The following NRXN2 variants were observed in gnomAD, a reference collection of about 807,000 sequenced individuals.
The protein encoded by NRXN2 is neurexin-2-beta.
NRXN2 carries 29 observed loss-of-function variants against 128.8 expected under a neutral mutation model. The observed-to-expected ratio is 0.23, with a 90% CI of 0.17 to 0.31. The LOEUF is 0.31. NRXN2 is among the 10% of genes least tolerant of loss of function. The probability of loss-of-function intolerance (pLI) is 1.00; values close to 1 mark genes in which losing one functional copy is unlikely to be tolerated. For missense variants in NRXN2, 1,881 were observed against 2,452.6 expected (o/e 0.77, Z 4.92); for synonymous variants, 1,098 against 1,075.2 (o/e 1.02, Z -0.41).
In NRXN2 at chr11:64,612,060, C is replaced by T. The variant is rs182129160; in HGVS notation, c.4253-3978G>A. Among the ~76,000 whole-genome samples the T allele has an allele frequency of 7.7e-4, 118 of 152,298 alleles. 1 individual carries two copies. The highest frequency in any genetic ancestry group is 1.5e-3 in the Non-Finnish European group (103 of 68,016). ...ACCCATGAGAACGCATGAGGACTTC[C>T]TTCCCTGGGCTCACTCAACCCGGCC... On this transcript the variant is annotated intron_variant, in intron 22 of 22. Transcript: ENST00000265459.
chr11:64,720,832 G>T (rs568348475), intron 1 of NRXN2, among the ~76,000 whole-genome samples: 5 of 152,236 alleles, frequency 3.3e-5, no homozygotes, highest in Non-Finnish European at 7.4e-5. Flanking sequence ...GACCTGGGAG[G>T]GATGGGGTGT....
Position 64,623,252 on chromosome 11 carries a change from C to T in NRXN2, c.3848-174G>A. ...GGGGCAGAAAGCCAAAGGGAAAGTC[C>T]TTGTCAGCCACAGCCCCTAGCCCAG... is the stretch of plus-strand genomic sequence containing the variant. On this transcript the variant is annotated intron_variant, in intron 20 of 22. Transcript: ENST00000265459. This position sits in a 1 kb window ranked among gnomAD's most constrained non-coding sequence, Gnocchi z 4.9. 9.4e-6 allele frequency: 11 copies of T among 1,172,538 alleles called. No individual in the cohort carries two copies. Among genetic ancestry groups the T allele is most frequent in the Non-Finnish European group, 1.3e-5 (11 of 858,468 alleles). The allele number at this position is 1,172,538 out of a possible 1,614,324, so 72.6% of individuals were successfully genotyped here.
chr11:64,623,065 G>C lies in NRXN2; in HGVS notation c.3861C>G (p.Thr1287=). ...EWLLDKGRQL[T]IFNSQAAIKI... ...TGATGGCAGCCTGGCTGTTGAAGATGGTCAGCTGGCGGCCTTGCAGGAGTG... is the reference window on the plus strand; with the variant it reads ...TGATGGCAGCCTGGCTGTTGAAGATCGTCAGCTGGCGGCCTTGCAGGAGTG... Residue 1287 remains threonine (T), a synonymous_variant, in exon 21 of 23, where the codon ACC becomes ACG. Coordinates refer to ENST00000265459, the MANE Select transcript of NRXN2 (RefSeq NM_015080.4). The surrounding 1 kb of genome is among the most constrained non-coding windows in gnomAD (Gnocchi z 4.9). The C allele has an allele frequency of 6.2e-7, 1 of 1,603,924 alleles. No homozygotes were observed. Among genetic ancestry groups the C allele is most frequent in the Non-Finnish European group, 8.5e-7 (1 of 1,174,962 alleles).
intron 22 of NRXN2, among the ~76,000 whole-genome samples, chr11:64,615,445 G>A (rs1218835286): frequency 2.6e-5 from 4 of 152,218 alleles, no homozygotes; most frequent in South Asian, 2.1e-4. Flanking sequence ...TACGGGTCTC[G>A]GCAAATGTGT....
intron 7 of NRXN2, among the ~76,000 whole-genome samples, chr11:64,674,714 G>A (rs1403423060): frequency 1.3e-5 from 2 of 152,176 alleles, no homozygotes; most frequent in African/African-American, 4.8e-5. Context: ...GTGTTCTCCA[G>A]GGTTTGCTAG....
chr11:64,627,536 C>G (rs1490773889), intron 19 of NRXN2, among the ~76,000 whole-genome samples: 4 of 152,086 alleles, frequency 2.6e-5, no homozygotes, highest in East Asian at 3.9e-4. Context: ...GCTCCTCCCC[C>G]CAGTTCCAGC....
intron 2 of NRXN2, among the ~76,000 whole-genome samples, chr11:64,700,874 G>T (rs2055250459): frequency 6.6e-6 from 1 of 152,090 alleles, no homozygotes; most frequent in South Asian, 2.1e-4. Flanking sequence ...TCTAGGGTGG[G>T]CCTCATAACC....
rs537572592 is a variant in NRXN2, at chr11:64,632,141, G to A, written c.3586-1568C>T. Among the ~76,000 whole-genome samples the A allele has an allele frequency of 5.9e-5, 9 of 152,340 alleles. No individual in the cohort carries two copies. Among genetic ancestry groups the A allele is most frequent in the Admixed American group, 3.3e-4 (5 of 15,312 alleles). ...ACAGATGGGGCAAGGGTTGGGGTTT[G>A]GCAGAGAGAGTTGGGGGACAAGGTT... is the stretch of plus-strand genomic sequence containing the variant. On this transcript the variant is annotated intron_variant, in intron 18 of 22. Coordinates refer to ENST00000265459, the MANE Select transcript of NRXN2 (RefSeq NM_015080.4). This position sits in a 1 kb window ranked among gnomAD's most constrained non-coding sequence, Gnocchi z 4.2.
intron 11 of NRXN2, among the ~76,000 whole-genome samples, chr11:64,655,233 G>C (rs1231642088): frequency 6.6e-6 from 1 of 152,236 alleles, no homozygotes; most frequent in African/African-American, 2.4e-5. Flanking sequence ...CAGCAGAAGA[G>C]TGGAGGCGAG....
intron 5 of NRXN2, among the ~76,000 whole-genome samples, chr11:64,689,992 C>T (rs1169160771): frequency 6.6e-6 from 1 of 152,152 alleles, no homozygotes; most frequent in Non-Finnish European, 1.5e-5. Flanking sequence ...GCTTAAAGGC[C>T]CTGTGCTGGC....
intron 11 of NRXN2, among the ~76,000 whole-genome samples, chr11:64,657,686 C>T (rs147727024): frequency 4.2e-4 from 64 of 152,298 alleles, no homozygotes; most frequent in Middle Eastern, 3.4e-3. Flanking sequence ...TCTTCTGGCC[C>T]GGAGCCCAGA....
intron 1 of NRXN2, among the ~76,000 whole-genome samples, chr11:64,715,774 G>A (rs1013697103): frequency 4.6e-5 from 7 of 152,164 alleles, no homozygotes; most frequent in Admixed American, 3.3e-4. Context: ...GGAGATCCAG[G>A]CAAGCAACCC....
intron 3 of NRXN2, 141 bp downstream of exon 3, chr11:64,697,634 G>A (rs550504403): frequency 2.1e-6 from 2 of 948,900 alleles, no homozygotes; most frequent in Admixed American, 4.0e-5. Context: ...AGGCAGCCAA[G>A]GGAGGACCCC....
chr11:64,663,503 C>T (rs1257345671), intron 9 of NRXN2, among the ~76,000 whole-genome samples: 1 of 152,148 alleles, frequency 6.6e-6, no homozygotes, highest in African/African-American at 2.4e-5. Context: ...CTTCCCAGGG[C>T]TGGGGGCCCA....
intron 17 of NRXN2, among the ~76,000 whole-genome samples, chr11:64,641,858 C>T (rs1200515801): frequency 1.3e-5 from 2 of 151,472 alleles, no homozygotes; most frequent in African/African-American, 4.9e-5. Flanking sequence ...GATGAGGGGA[C>T]ATGGAAGGGA....
At chr11:64,609,488 C>G (rs952591135) in intron 22 of NRXN2, among the ~76,000 whole-genome samples, 13 of 152,212 alleles carry the variant, frequency 8.5e-5, no homozygotes, top group African/African-American at 2.9e-4. Flanking sequence ...ATCTCTAGGT[C>G]TGATAACTGG....
intron 3 of NRXN2, among the ~76,000 whole-genome samples, chr11:64,693,433 A>G (rs929885158): frequency 6.6e-6 from 1 of 151,668 alleles, no homozygotes; most frequent in Non-Finnish European, 1.5e-5. Context: ...AGAGAGAGAG[A>G]GTGTCCTGTT....
At chr11:64,673,090 C>T (rs117582772) in intron 7 of NRXN2, among the ~76,000 whole-genome samples, 2,266 of 152,302 alleles carry the variant, frequency 0.015, 17 homozygotes, top group Non-Finnish European at 0.022. Flanking sequence ...CGATATCTGG[C>T]TATCTGACCC....
chr11:64,613,715 C>G (rs2041033161), intron 22 of NRXN2, among the ~76,000 whole-genome samples: 1 of 152,206 alleles, frequency 6.6e-6, no homozygotes, highest in East Asian at 1.9e-4. Context: ...CTACGGAGAT[C>G]CGGGGCTTAT....
Sources: allele counts gnomAD v4.1 joint callset (sites outside exome capture counted in the v4.1 genomes callset), GRCh38; gene constraint gnomAD v4.1.1; non-coding constraint Gnocchi (gnomAD v3.1); transcripts MANE v1.5; gene names NCBI Gene and HGNC (gene_info 2026-07-23, HGNC 2026-07-21).